The following PLCB1 variants were observed in gnomAD, a reference collection of about 807,000 sequenced individuals.
The protein encoded by PLCB1 is phospholipase C beta 1.
A neutral mutation model predicts 161.8 loss-of-function variants in PLCB1; 46 were observed. The observed-to-expected ratio is 0.28, with a 90% confidence interval of 0.22 to 0.36. The LOEUF (loss-of-function observed/expected upper bound fraction) is 0.36, where lower values mean the gene tolerates loss of function less well. Ranked by LOEUF, PLCB1 falls within the 10% of genes least tolerant of loss-of-function variation. The pLI is 1.00. For missense variants in PLCB1, 1,016 were observed against 1,472.5 expected (o/e 0.69, Z 5.07); for synonymous variants, 517 against 503.7 (o/e 1.03, Z -0.35).
At chr20:8,643,969 A>T (rs1989050952) in intron 4 of PLCB1, among the ~76,000 whole-genome samples, 2 of 151,960 alleles carry the variant, frequency 1.3e-5, no homozygotes, top group Admixed American at 6.5e-5. Flanking sequence ...TGGTTTTCGT[A>T]TTTTTTTGGT....
intron 9 of PLCB1, among the ~76,000 whole-genome samples, chr20:8,668,106 A>G (rs1470514958): frequency 6.6e-6 from 1 of 152,052 alleles, no homozygotes; most frequent in Non-Finnish European, 1.5e-5. Flanking sequence ...TCAATGTGAT[A>G]CAACAGATAA....
intron 11 of PLCB1, among the ~76,000 whole-genome samples, chr20:8,700,703 T>G (rs541035700): frequency 6.6e-6 from 1 of 152,242 alleles, no homozygotes; most frequent in Non-Finnish European, 1.5e-5. Flanking sequence ...TTTCCAGCTA[T>G]TCCTCCTGCT....
chr20:8,772,911 C>T (rs942623518), intron 26 of PLCB1, among the ~76,000 whole-genome samples: 2 of 152,034 alleles, frequency 1.3e-5, no homozygotes, highest in African/African-American at 2.4e-5. Flanking sequence ...GCCTGGGCTA[C>T]AAGAGCAAAA....
At chr20:8,225,886 A>C (rs542144093) in intron 2 of PLCB1, among the ~76,000 whole-genome samples, 1 of 152,368 alleles carries the variant, frequency 6.6e-6, no homozygotes, top group East Asian at 1.9e-4. Context: ...TAAGCTGACC[A>C]CAGCAAATAT....
intron 3 of PLCB1, among the ~76,000 whole-genome samples, chr20:8,383,096 TTCTGTCTCATTGA>T (rs112548123): frequency 0.023 from 3,455 of 152,286 alleles, 137 homozygotes; most frequent in African/African-American, 0.077. Flanking sequence ...CTTGTAAATT[TTCTGTCTCATTGA>T]TCTGTCTAAT....
At chr20:8,512,870 G>A (rs1983950405) in intron 3 of PLCB1, among the ~76,000 whole-genome samples, 1 of 152,202 alleles carries the variant, frequency 6.6e-6, no homozygotes, top group South Asian at 2.1e-4. Context: ...GTCACCTAAT[G>A]TTTAATGGAT....
At chr20:8,645,120 C>T (rs536050102) in intron 4 of PLCB1, among the ~76,000 whole-genome samples, 2 of 151,424 alleles carry the variant, frequency 1.3e-5, no homozygotes, top group African/African-American at 4.8e-5. Flanking sequence ...TTGAAGGCAG[C>T]ATGCTCGTTA....
chr20:8,369,636 A>C (rs907448945), intron 2 of PLCB1, among the ~76,000 whole-genome samples: 3 of 152,154 alleles, frequency 2.0e-5, no homozygotes, highest in African/African-American at 7.2e-5. Context: ...GTCACTCTGT[A>C]TTGCAAATTC....
intron 31 of PLCB1, among the ~76,000 whole-genome samples, chr20:8,796,039 C>T (rs1303286263): frequency 6.6e-6 from 1 of 152,154 alleles, no homozygotes; most frequent in East Asian, 1.9e-4. Context: ...TCCATAACCT[C>T]ATAAAACAGT....
At chr20:8,740,770 T>A (rs937082697) in intron 22 of PLCB1, among the ~76,000 whole-genome samples, 1 of 152,100 alleles carries the variant, frequency 6.6e-6, no homozygotes, top group Admixed American at 6.5e-5. Context: ...GTACACTGAA[T>A]TTGTCTTCCA....
chr20:8,208,574 G>C (rs1202772284), intron 2 of PLCB1, among the ~76,000 whole-genome samples: 1 of 146,528 alleles, frequency 6.8e-6, no homozygotes, highest in Non-Finnish European at 1.5e-5. Context: ...TAAACACACA[G>C]ATGTCTTAAT....
At chr20:8,493,105 A>G (rs1983017499) in intron 3 of PLCB1, among the ~76,000 whole-genome samples, 1 of 151,970 alleles carries the variant, frequency 6.6e-6, no homozygotes, top group African/African-American at 2.4e-5. Flanking sequence ...CTTCTGTAAC[A>G]TACCTGCCAC....
intron 31 of PLCB1, among the ~76,000 whole-genome samples, chr20:8,813,558 G>A (rs1413957646): frequency 1.3e-5 from 2 of 152,102 alleles, no homozygotes; most frequent in East Asian, 1.9e-4. Context: ...GGCCAGGCAC[G>A]GTGGCTCACA....
intron 3 of PLCB1, among the ~76,000 whole-genome samples, chr20:8,561,823 G>C (rs1986149536): frequency 6.6e-6 from 1 of 151,982 alleles, no homozygotes; most frequent in Non-Finnish European, 1.5e-5. Context: ...TAGTCAAGCT[G>C]ACATTTAATA....
intron 3 of PLCB1, among the ~76,000 whole-genome samples, chr20:8,438,350 G>A (rs1181270805): frequency 6.6e-6 from 1 of 152,156 alleles, no homozygotes. Context: ...TTTTATAACT[G>A]TAGAGTGGGA....
rs1274030559 is a variant in PLCB1 at position 8,774,152 on chromosome 20, C to A, written c.2931-387C>A. 3.3e-5 allele frequency among the ~76,000 whole-genome samples: 5 copies of A among 152,114 alleles called. No homozygotes were observed. The East Asian group carries it at 9.6e-4, about 29-fold the overall frequency. ...TGCAGTGTCCTCTGAAGTTTTCATA[C>A]GGGAAAGGTAACTGGGAATGCCATT... On this transcript the variant is annotated intron_variant, in intron 26 of 31. Transcript: ENST00000338037.
chr20:8,874,108 A>G (rs1048680890), intron 31 of PLCB1, among the ~76,000 whole-genome samples: 2 of 152,014 alleles, frequency 1.3e-5, no homozygotes, highest in Non-Finnish European at 2.9e-5. Context: ...GGTGATAAAT[A>G]TGTTAATTGG....
chr20:8,180,223 G>A, intron 2 of PLCB1, among the ~76,000 whole-genome samples: 1 of 152,074 alleles, frequency 6.6e-6, no homozygotes, highest in Admixed American at 6.6e-5. Context: ...TGTGGTTTTT[G>A]GTTTTAGTTC....
chr20:8,212,717 G>A (rs1978894384), intron 2 of PLCB1, among the ~76,000 whole-genome samples: 1 of 152,058 alleles, frequency 6.6e-6, no homozygotes, highest in African/African-American at 2.4e-5. Context: ...ATATACCCTT[G>A]CATGAGTATG....
Sources: allele counts gnomAD v4.1 joint callset (sites outside exome capture counted in the v4.1 genomes callset), GRCh38; gene constraint gnomAD v4.1.1; transcripts MANE v1.5; gene names NCBI Gene and HGNC (gene_info 2026-07-23, HGNC 2026-07-21).